The following NYAP2 variants were observed in gnomAD, a reference collection of about 807,000 sequenced individuals.
The protein encoded by NYAP2 is neuronal tyrosine-phosphorylated phosphoinositide-3-kinase adaptor 2.
Under a neutral mutation model 50.4 loss-of-function variants are expected in NYAP2, and 23 were observed. That is an observed-to-expected ratio of 0.46 (90% CI 0.33 to 0.65). NYAP2 has a LOEUF of 0.65. NYAP2 is among the 30% of genes least tolerant of loss of function. NYAP2 has a pLI of 0.02. For synonymous variants in NYAP2, 394 were observed against 365.2 expected (o/e 1.08, Z -0.90); for missense variants, 885 against 861.0 (o/e 1.03, Z -0.35).
At chr2:225,398,839 A>C (rs1418423998), upstream of NYAP2, among the ~76,000 whole-genome samples, 3 of 152,072 alleles carry the variant, frequency 2.0e-5, no homozygotes, top group African/African-American at 2.4e-5. Context: ...TCAGGAATGC[A>C]CTTCAGGACA....
chr2:225,663,947 G>T, the NYAP2 span, among the ~76,000 whole-genome samples: 1 of 151,980 alleles, frequency 6.6e-6, no homozygotes, highest in Non-Finnish European at 1.5e-5. Context: ...TTGACTCCTG[G>T]CAAACTATTG....
chr2:225,546,505 C>T (rs375893599), intron 4 of NYAP2, among the ~76,000 whole-genome samples: 27 of 152,088 alleles, frequency 1.8e-4, no homozygotes, highest in Admixed American at 2.6e-4. Flanking sequence ...AGGCTACTGC[C>T]GATATTCACT....
intron 4 of NYAP2, among the ~76,000 whole-genome samples, chr2:225,550,679 A>G (rs1479771043): frequency 1.3e-5 from 2 of 152,216 alleles, no homozygotes; most frequent in African/African-American, 4.8e-5. Context: ...CCATGTTAGA[A>G]TGGTGATAAG....
intron 2 of NYAP2, among the ~76,000 whole-genome samples, chr2:225,401,488 C>G (rs527549465): frequency 1.3e-5 from 2 of 152,104 alleles, no homozygotes; most frequent in South Asian, 2.1e-4. Context: ...ACACAGTATC[C>G]CCCAAAATTC....
intron 6 of NYAP2, among the ~76,000 whole-genome samples, chr2:225,636,809 A>T (rs568011915): frequency 2.6e-5 from 4 of 152,268 alleles, no homozygotes; most frequent in African/African-American, 9.6e-5. Flanking sequence ...AGCCTGTTGG[A>T]TGATGAAGTA....
intron 3 of NYAP2, among the ~76,000 whole-genome samples, chr2:225,410,603 T>A (rs563117866): frequency 6.6e-6 from 1 of 152,130 alleles, no homozygotes; most frequent in Non-Finnish European, 1.5e-5. Flanking sequence ...TAAAACTCAA[T>A]AATAAATCCT....
At chr2:225,483,971 G>A (rs928724209) in intron 3 of NYAP2, among the ~76,000 whole-genome samples, 1 of 152,112 alleles carries the variant, frequency 6.6e-6, no homozygotes, top group African/African-American at 2.4e-5. Flanking sequence ...ATTTCTTAAA[G>A]GACTCACACT....
At chr2:225,580,704 T>G (rs557973375) in intron 4 of NYAP2, among the ~76,000 whole-genome samples, 44 of 152,136 alleles carry the variant, frequency 2.9e-4, no homozygotes, top group Non-Finnish European at 5.9e-4. Flanking sequence ...TAGCTTATCC[T>G]TAAGCACTTT....
chr2:225,468,798 A>T (rs532505272), intron 3 of NYAP2, among the ~76,000 whole-genome samples: 1 of 152,368 alleles, frequency 6.6e-6, no homozygotes, highest in South Asian at 2.1e-4. Context: ...GACAAAAAAG[A>T]CAAAAAGAGG....
chr2:225,509,339 T>G (rs1196414131), intron 3 of NYAP2, among the ~76,000 whole-genome samples: 1 of 152,210 alleles, frequency 6.6e-6, no homozygotes, highest in Non-Finnish European at 1.5e-5. Flanking sequence ...CCCCATTGCA[T>G]AAAATCAGCC....
At chr2:225,598,631 T>A (rs1048798049) in intron 5 of NYAP2, among the ~76,000 whole-genome samples, 1 of 152,118 alleles carries the variant, frequency 6.6e-6, no homozygotes, top group African/African-American at 2.4e-5. Flanking sequence ...TAACCACAAA[T>A]GCACAGAAGG....
the NYAP2 span, among the ~76,000 whole-genome samples, chr2:225,679,409 C>T: frequency 6.6e-6 from 1 of 151,884 alleles, no homozygotes; most frequent in Non-Finnish European, 1.5e-5. Context: ...ATTCTATTCA[C>T]CACCCAACAG....
chr2:225,521,186 G>C (rs1159265917), intron 4 of NYAP2, among the ~76,000 whole-genome samples: 1 of 151,448 alleles, frequency 6.6e-6, no homozygotes, highest in Non-Finnish European at 1.5e-5. Flanking sequence ...GAGACAATGA[G>C]GTTTTCTAGA....
chr2:225,459,616 T>C (rs1209522714), intron 3 of NYAP2, among the ~76,000 whole-genome samples: 2 of 151,796 alleles, frequency 1.3e-5, no homozygotes, highest in African/African-American at 4.9e-5. Flanking sequence ...CTACATTTTT[T>C]CCTCTATTTA....
At chr2:225,678,079 TG>T in the NYAP2 span, among the ~76,000 whole-genome samples, 2 of 152,236 alleles carry the variant, frequency 1.3e-5, no homozygotes, top group African/African-American at 4.8e-5. Context: ...TTTTAATTAT[TG>T]ATTCTATTTC....
intron 3 of NYAP2, among the ~76,000 whole-genome samples, chr2:225,425,973 T>G (rs181861859): frequency 6.6e-6 from 1 of 152,042 alleles, no homozygotes; most frequent in East Asian, 1.9e-4. Context: ...GGGAGAGGAA[T>G]AGTTAAGGGT....
chr2:225,524,071 T>A (rs1691111568), intron 4 of NYAP2, among the ~76,000 whole-genome samples: 1 of 152,156 alleles, frequency 6.6e-6, no homozygotes, highest in African/African-American at 2.4e-5. Context: ...GATGCATATA[T>A]GATGGGGAGT....
chr2:225,625,852 A>C (rs148192318), intron 5 of NYAP2, among the ~76,000 whole-genome samples: 1 of 152,232 alleles, frequency 6.6e-6, no homozygotes, highest in Non-Finnish European at 1.5e-5. Context: ...TCATTTTGGC[A>C]GTATAAGGAG....
At chr2:225,422,995 A>G (rs1401776999) in intron 3 of NYAP2, among the ~76,000 whole-genome samples, 1 of 152,146 alleles carries the variant, frequency 6.6e-6, no homozygotes, top group Non-Finnish European at 1.5e-5. Flanking sequence ...TTGACACCAT[A>G]TGAGTTTTCT....
Sources: gnomAD v4.1 joint callset for allele counts (sites outside exome capture counted in the v4.1 genomes callset) on GRCh38, gnomAD v4.1.1 for gene constraint, MANE v1.5 for transcripts, NCBI Gene and HGNC (gene_info 2026-07-23, HGNC 2026-07-21) for gene names.